Variants in KCNN2 observed in about 807,000 individuals in gnomAD.
The protein encoded by KCNN2 is potassium calcium-activated channel subfamily N member 2, also known as small conductance calcium-activated potassium channel protein 2.
KCNN2 carries 24 observed loss-of-function variants against 55.5 expected under a neutral mutation model. The ratio of observed to expected loss-of-function variants is 0.43; its 90% CI spans 0.31 to 0.61. The LOEUF (loss-of-function observed/expected upper bound fraction) is 0.61, where lower values mean the gene tolerates loss of function less well. Ranked by LOEUF, KCNN2 falls within the 20% of genes least tolerant of loss-of-function variation. The pLI is 0.08. For synonymous variants in KCNN2, 431 were observed against 336.1 expected (o/e 1.28, Z -3.09); for missense variants, 754 against 853.6 (o/e 0.88, Z 1.45).
At chr5:114,261,227 T>C (rs1755102681) in intron 2 of KCNN2, among the ~76,000 whole-genome samples, 1 of 152,186 alleles carries the variant, frequency 6.6e-6, no homozygotes, top group African/African-American at 2.4e-5. Context: ...GTGAAATCAG[T>C]AGTGTCAAGA....
At chr5:114,437,582 A>C (rs1414728118) in intron 3 of KCNN2, among the ~76,000 whole-genome samples, 1 of 152,198 alleles carries the variant, frequency 6.6e-6, no homozygotes, top group Non-Finnish European at 1.5e-5. Flanking sequence ...AGTAGAAAAT[A>C]AAAAAGTGTT....
intron 1 of KCNN2, among the ~76,000 whole-genome samples, chr5:114,189,760 T>C (rs1301662477): frequency 6.6e-6 from 1 of 152,134 alleles, no homozygotes; most frequent in African/African-American, 2.4e-5. Context: ...TAAACGTCTA[T>C]AGTAGTATAG....
At chr5:114,098,107 T>G (rs990055322) in intron 1 of KCNN2, among the ~76,000 whole-genome samples, 1 of 152,132 alleles carries the variant, frequency 6.6e-6, no homozygotes, top group Non-Finnish European at 1.5e-5. Context: ...TAGCTCATCA[T>G]CTTTCTTTCC....
chr5:114,167,751 T>C (rs1752946842), intron 1 of KCNN2, among the ~76,000 whole-genome samples: 2 of 152,142 alleles, frequency 1.3e-5, no homozygotes, highest in African/African-American at 4.8e-5. Context: ...ACTTATGCAT[T>C]CACCTGAGAA....
chr5:114,076,314 A>G (rs924832340), intron 1 of KCNN2, among the ~76,000 whole-genome samples: 58 of 152,348 alleles, frequency 3.8e-4, no homozygotes, highest in African/African-American at 1.3e-3. Flanking sequence ...GGTATCTACC[A>G]GAGATCCCCA....
rs1757461353 is a variant in KCNN2, at chr5:114,362,547, C to T, written c.408C>T (p.Ala136=). 1.7e-6 allele frequency: 1 copy of T among 588,484 alleles called. No individual in the cohort carries two copies. Among genetic ancestry groups the T allele is most frequent in the South Asian group, 2.4e-5 (1 of 42,362 alleles). The allele number at this position is 588,484 out of a possible 1,614,324, so 36.5% of individuals were successfully genotyped here. A position where few individuals can be genotyped will look rare whatever the true frequency, so the allele number is the denominator to read the frequency against. Reference sequence around the variant, plus strand: ...GCGAGCTGACGCCGTCCAGCCATGCCAGTGCGCTCCGGCAGCAGTACGCGC... The same window carrying T: ...GCGAGCTGACGCCGTCCAGCCATGCTAGTGCGCTCCGGCAGCAGTACGCGC... ...NVSELTPSSH[A]SALRQQYAQQ... is the part of the protein sequence containing the mutation. The change falls in exon 1 of 8, where the codon GCC becomes GCT. Residue 136 remains alanine (A), a synonymous_variant. Coordinates refer to ENST00000673685, the MANE Select transcript of KCNN2 (RefSeq NM_021614.4).
At chr5:114,108,069 T>C (rs1360535379) in intron 1 of KCNN2, among the ~76,000 whole-genome samples, 1 of 151,446 alleles carries the variant, frequency 6.6e-6, no homozygotes, top group Non-Finnish European at 1.5e-5. Flanking sequence ...AAAATAATGG[T>C]GGCTCTCTGT....
intron 1 of KCNN2, among the ~76,000 whole-genome samples, chr5:114,061,018 T>C (rs544675739): frequency 1.3e-5 from 2 of 152,348 alleles, no homozygotes; most frequent in South Asian, 4.1e-4. Context: ...TCTCACATTA[T>C]GCTACATAGT....
intron 1 of KCNN2, among the ~76,000 whole-genome samples, chr5:114,095,803 C>T (rs28427416): frequency 0.011 from 1,669 of 151,794 alleles, 46 homozygotes; most frequent in African/African-American, 0.038. Flanking sequence ...TTGTGTCCCC[C>T]AATAATTTTT....
chr5:114,286,219 G>C (rs1029769367), intron 2 of KCNN2, among the ~76,000 whole-genome samples: 3 of 152,136 alleles, frequency 2.0e-5, no homozygotes, highest in African/African-American at 7.2e-5. Flanking sequence ...TTGAATGACA[G>C]GGTAGATCAG....
intron 2 of KCNN2, among the ~76,000 whole-genome samples, chr5:114,292,982 G>C (rs1435625834): frequency 6.6e-6 from 1 of 151,982 alleles, no homozygotes; most frequent in Non-Finnish European, 1.5e-5. Flanking sequence ...TCATGATTTG[G>C]CTCTCTGTTT....
intron 2 of KCNN2, among the ~76,000 whole-genome samples, chr5:114,293,118 A>G (rs1364996117): frequency 6.6e-6 from 1 of 152,194 alleles, no homozygotes; most frequent in East Asian, 1.9e-4. Flanking sequence ...TTCTAGATAT[A>G]CAATCATGTC....
At position 114,421,750 on chromosome 5, in the gene KCNN2, C is replaced by T. The variant is rs189379217; in HGVS notation, c.1637+16894C>T. Among the ~76,000 whole-genome samples, 1,088 of 152,024 alleles carry T rather than the reference C, an allele frequency of 7.2e-3. 10 individuals carry two copies. The highest frequency in any genetic ancestry group is 0.011 in the Admixed American group (175 of 15,278). The stretch of plus-strand genomic sequence containing the variant: ...TCAGCCTCCTGAGTAGCTGGGATTA[C>T]AGGCACCCGCCACCATGCCCAGCTA... On this transcript the variant is annotated intron_variant, in intron 3 of 7. Transcript: ENST00000673685.
chr5:114,099,144 A>C (rs1296095184), intron 1 of KCNN2, among the ~76,000 whole-genome samples: 1 of 152,134 alleles, frequency 6.6e-6, no homozygotes, highest in Non-Finnish European at 1.5e-5. Context: ...CAAAAAACGT[A>C]CCCTGAACTA....
At chr5:114,161,696 A>G (rs190524048) in intron 1 of KCNN2, among the ~76,000 whole-genome samples, 85 of 152,084 alleles carry the variant, frequency 5.6e-4, no homozygotes, top group Non-Finnish European at 7.4e-5. Context: ...AGGCTTTGTT[A>G]ATTTCTCCAT....
At chr5:114,163,350 G>T (rs1752835324) in intron 1 of KCNN2, among the ~76,000 whole-genome samples, 1 of 152,074 alleles carries the variant, frequency 6.6e-6, no homozygotes, top group African/African-American at 2.4e-5. Flanking sequence ...GGTGAGAAAG[G>T]GCATCCTTGT....
At chr5:114,459,598 G>A (rs1482709512) in intron 3 of KCNN2, among the ~76,000 whole-genome samples, 1 of 152,098 alleles carries the variant, frequency 6.6e-6, no homozygotes, top group Non-Finnish European at 1.5e-5. Flanking sequence ...ATCTAATTTG[G>A]TTCCTGATTA....
At chr5:114,495,837 T>C in intron 7 of KCNN2, 58 bp from the exon 8 acceptor site, 1 of 1,514,434 alleles carries the variant, frequency 6.6e-7, no homozygotes, top group Non-Finnish European at 9.0e-7. Context: ...CTCTGAGAGG[T>C]GGACAGTTTG....
intron 3 of KCNN2, among the ~76,000 whole-genome samples, chr5:114,408,327 G>T (rs1476783686): frequency 6.6e-6 from 1 of 151,952 alleles, no homozygotes; most frequent in Non-Finnish European, 1.5e-5. Context: ...AAGGGAAGGA[G>T]CTGAGGCCAG....
Sources: allele counts gnomAD v4.1 joint callset (sites outside exome capture counted in the v4.1 genomes callset), GRCh38; gene constraint gnomAD v4.1.1; transcripts MANE v1.5; gene names NCBI Gene and HGNC (gene_info 2026-07-23, HGNC 2026-07-21).